Variants in ACACB observed in about 807,000 individuals in gnomAD.
ACACB encodes the protein acetyl-CoA carboxylase beta, also known as acetyl-CoA carboxylase 2.
In ACACB, 209 loss-of-function variants were observed where a neutral mutation model predicts 278.8. The observed-to-expected ratio is 0.75, with a 90% CI of 0.67 to 0.84. The LOEUF (loss-of-function observed/expected upper bound fraction) is 0.84. ACACB is among the 40% of genes least tolerant of loss of function. ACACB has a pLI of 0.00. For synonymous variants in ACACB, 1,174 were observed against 1,285.6 expected, an observed-to-expected ratio of 0.91 and a Z score of 1.86; for missense variants, 2,850 against 3,269.0, an observed-to-expected ratio of 0.87 and a Z score of 3.13.
chr12:109,162,790 T>C (rs1184184577), intron 2 of ACACB, among the ~76,000 whole-genome samples: 1 of 152,026 alleles, frequency 6.6e-6, no homozygotes, highest in Non-Finnish European at 1.5e-5. Flanking sequence ...ACTCAGGGGA[T>C]CCCCAACGCA....
intron 2 of ACACB, among the ~76,000 whole-genome samples, chr12:109,150,953 CT>C (rs886164803): frequency 2.1e-4 from 31 of 150,218 alleles, no homozygotes; most frequent in African/African-American, 7.5e-4. Flanking sequence ...TTTTCTTTTT[CT>C]TTTTTTCTTT....
intron 27 of ACACB, among the ~76,000 whole-genome samples, chr12:109,225,313 C>T (rs2046284445): frequency 6.6e-6 from 1 of 152,076 alleles, no homozygotes; most frequent in Non-Finnish European, 1.5e-5. Flanking sequence ...TTTTAAAGTG[C>T]TAAATGCTGT....
intron 24 of ACACB, among the ~76,000 whole-genome samples, chr12:109,221,894 T>TTTTG (rs372053398): frequency 7.8e-6 from 1 of 128,242 alleles, no homozygotes; most frequent in African/African-American, 3.1e-5. Flanking sequence ...TTTTTTTTTT[T>TTTTG]GGGGGGGAGA....
chr12:109,210,235 A>ATATATACACACATGTGTG (rs1217482493), intron 21 of ACACB, among the ~76,000 whole-genome samples: 9,024 of 21,022 alleles, frequency 0.43, 3,140 homozygotes, highest in Admixed American at 0.52. Context: ...GTGTATATGT[A>ATATATACACACATGTGTG]TATATGTATA....
chr12:109,222,637 C>A lies in ACACB; in HGVS notation c.3678+17C>A. On this transcript the variant is annotated intron_variant, in intron 25 of 52. Coordinates refer to ENST00000338432, the MANE Select transcript of ACACB (RefSeq NM_001093.4). The stretch of plus-strand genomic sequence containing the variant: ...GCCCGGCAGGTAGGGTCTCAGGGTG[C>A]GGTCCCCACGATGTGCGTTTCCCCC... 1 of 1,602,086 alleles carries A rather than the reference C, an allele frequency of 6.2e-7. No homozygotes were observed. Among genetic ancestry groups the A allele is most frequent in the South Asian group, 1.1e-5 (1 of 90,784 alleles).
At chr12:109,130,420 A>G (rs2042794001) in intron 1 of ACACB, among the ~76,000 whole-genome samples, 1 of 152,182 alleles carries the variant, frequency 6.6e-6, no homozygotes, top group South Asian at 2.1e-4. Flanking sequence ...GCCCGGTGAC[A>G]GTTGACTTTG....
chr12:109,174,200 C>T lies in ACACB; in HGVS notation c.1186C>T (p.Gln396Ter), dbSNP rs370777901. 2.0e-5 allele frequency: 33 copies of T among 1,613,104 alleles called. No individual in the cohort carries two copies. Among genetic ancestry groups the T allele is most frequent in the African/African-American group, 1.3e-4 (10 of 75,058 alleles). Residue 396 changes from glutamine (Q) to a stop codon, truncating the protein, a stop_gained, in exon 7 of 53, where the codon CAG becomes TAG. Coordinates refer to ENST00000338432, the MANE Select transcript of ACACB (RefSeq NM_001093.4). LOFTEE classifies it high-confidence loss of function. ...IASTVVAQTL[Q>*]VPTLPWSGSG... ...CTCCACCGTTGTCGCCCAGACGCTA[C>T]AGGTCCCAACCCTGCCCTGGAGTGG...
intron 45 of ACACB, among the ~76,000 whole-genome samples, chr12:109,257,172 G>A (rs1193348306): frequency 6.6e-6 from 1 of 152,154 alleles, no homozygotes; most frequent in Non-Finnish European, 1.5e-5. Flanking sequence ...TACTCGGGGG[G>A]CTGAAGCAGC....
chr12:109,226,018 A>T (rs1238569890), intron 27 of ACACB, among the ~76,000 whole-genome samples: 1 of 152,180 alleles, frequency 6.6e-6, no homozygotes, highest in Non-Finnish European at 1.5e-5. Flanking sequence ...CTGTAATCCC[A>T]GCTCTTTAGG....
At chr12:109,163,716 C>T (rs2043810077) in intron 2 of ACACB, among the ~76,000 whole-genome samples, 1 of 152,166 alleles carries the variant, frequency 6.6e-6, no homozygotes, top group African/African-American at 2.4e-5. Flanking sequence ...GTGGCACAAT[C>T]TTGGCTCACT....
intron 13 of ACACB, among the ~76,000 whole-genome samples, chr12:109,191,117 A>G (rs761969221): frequency 6.6e-6 from 1 of 152,156 alleles, no homozygotes; most frequent in Non-Finnish European, 1.5e-5. Context: ...ACTGAGGCCC[A>G]GAGTTCTCAA....
chr12:109,244,269 T>C (rs1312822471), intron 37 of ACACB, among the ~76,000 whole-genome samples: 1 of 151,968 alleles, frequency 6.6e-6, no homozygotes, highest in African/African-American at 2.4e-5. Context: ...TATGAAAGAG[T>C]AGGAAAAGCT....
chr12:109,125,104 ATGTCC>A (rs1316607871), intron 1 of ACACB, among the ~76,000 whole-genome samples: 3 of 152,170 alleles, frequency 2.0e-5, no homozygotes, highest in African/African-American at 7.2e-5. Context: ...ATGGTTGATT[ATGTCC>A]TTTTTTTGTG....
intron 21 of ACACB, 21 bp downstream of exon 21, chr12:109,209,374 C>T (rs771835869): frequency 2.5e-6 from 4 of 1,593,414 alleles, no homozygotes; most frequent in South Asian, 1.1e-5. Context: ...CCCTGCCCAG[C>T]CCCACCCCAC....
At position 109,199,430 on chromosome 12, in the gene ACACB, T is replaced by C. The variant is rs761707822; in HGVS notation, c.2656T>C (p.Cys886Arg). The change falls in exon 18 of 53, where the codon TGT becomes CGT. Residue 886 changes from cysteine to arginine, a missense_variant. By Grantham distance (180) the Cys-to-Arg change is radical (BLOSUM62 -3). Around this residue, in one of 3 missense-constraint regions of ACACB, gnomAD observed 2,265 missense variants for 2,561.3 expected, o/e 0.88. Transcript: ENST00000338432. The stretch of plus-strand genomic sequence containing the variant: ...CCGAATTACCATCGGCAATAAGACG[T>C]GTGTGTTTGAGAAGGAGAACGATCC... ...SYRITIGNKT[C>R]VFEKENDPTV... The C allele has an allele frequency of 1.9e-6, 3 of 1,540,060 alleles. No individual in the cohort carries two copies. Among genetic ancestry groups the C allele is most frequent in the Non-Finnish European group, 2.6e-6 (3 of 1,142,360 alleles).
chr12:109,140,520 G>A (rs2043097533), intron 2 of ACACB, among the ~76,000 whole-genome samples: 1 of 152,184 alleles, frequency 6.6e-6, no homozygotes, highest in South Asian at 2.1e-4. Flanking sequence ...CACCAGGCAT[G>A]CAGGCGTGTG....
At chr12:109,223,548 G>A (rs2046235792) in intron 26 of ACACB, among the ~76,000 whole-genome samples, 1 of 152,110 alleles carries the variant, frequency 6.6e-6, no homozygotes, top group Non-Finnish European at 1.5e-5. Context: ...CTTAAGCCCA[G>A]GAATTTGAGG....
intron 2 of ACACB, among the ~76,000 whole-genome samples, chr12:109,165,075 C>T (rs78727189): frequency 0.054 from 8,257 of 152,172 alleles, 272 homozygotes; most frequent in Non-Finnish European, 0.072. Flanking sequence ...CATTGTCATG[C>T]GCCTTGCCAT....
At chr12:109,178,449 C>A (rs1410626963) in intron 9 of ACACB, among the ~76,000 whole-genome samples, 1 of 152,186 alleles carries the variant, frequency 6.6e-6, no homozygotes. Context: ...TTCAAAGAAA[C>A]TTTCTCTGTA....
Sources: gnomAD v4.1 joint callset for allele counts (sites outside exome capture counted in the v4.1 genomes callset) on GRCh38, gnomAD v4.1.1 for gene constraint, gnomAD v4.1.1 regional missense constraint, MANE v1.5 for transcripts, NCBI Gene and HGNC (gene_info 2026-07-23, HGNC 2026-07-21) for gene names.